The following RSU1 variants were observed in gnomAD, a reference collection of about 807,000 sequenced individuals.
RSU1 encodes the protein rsu-1.
In RSU1, 26 loss-of-function variants were observed where a neutral mutation model predicts 31.1. The ratio of observed to expected loss-of-function variants is 0.84; its 90% CI spans 0.61 to 1.16. The LOEUF (loss-of-function observed/expected upper bound fraction) is 1.16. RSU1 is among the 50% of genes most tolerant of loss of function. The pLI, the probability that RSU1 is intolerant of heterozygous loss-of-function variation, is 0.00. For missense variants in RSU1, 320 were observed against 339.1 expected (o/e 0.94, Z 0.44); for synonymous variants, 164 against 136.3 (o/e 1.20, Z -1.41).
chr10:16,743,879 C>G (rs1247322724), intron 7 of RSU1, among the ~76,000 whole-genome samples: 2 of 151,812 alleles, frequency 1.3e-5, no homozygotes, highest in African/African-American at 4.8e-5. Context: ...TCCTGTAATC[C>G]TAACATTTTG....
At chr10:16,719,236 A>G (rs1836206543) in intron 7 of RSU1, among the ~76,000 whole-genome samples, 1 of 152,092 alleles carries the variant, frequency 6.6e-6, no homozygotes, top group Non-Finnish European at 1.5e-5. Context: ...TCAGCCCAGG[A>G]ATTTGAGGCT....
chr10:16,647,923 T>C (rs1834601927), intron 8 of RSU1, among the ~76,000 whole-genome samples: 2 of 152,120 alleles, frequency 1.3e-5, no homozygotes, highest in South Asian at 4.1e-4. Flanking sequence ...GGAATTGGGA[T>C]GACTGCTAAA....
intron 2 of RSU1, among the ~76,000 whole-genome samples, chr10:16,802,736 T>G (rs1838184820): frequency 6.6e-6 from 1 of 151,978 alleles, no homozygotes; most frequent in African/African-American, 2.4e-5. Flanking sequence ...TGGTTCAAAT[T>G]CAAAAACAAA....
intron 8 of RSU1, among the ~76,000 whole-genome samples, chr10:16,619,740 G>C (rs1030153300): frequency 6.6e-6 from 1 of 152,220 alleles, no homozygotes; most frequent in Non-Finnish European, 1.5e-5. Flanking sequence ...TGGCAGTTAT[G>C]TTAGCTATAT....
intron 7 of RSU1, among the ~76,000 whole-genome samples, chr10:16,729,653 G>A (rs1836467044): frequency 6.6e-6 from 1 of 152,170 alleles, no homozygotes; most frequent in African/African-American, 2.4e-5. Flanking sequence ...ATCACTCTCA[G>A]AAGGCTCTGC....
In RSU1 at chr10:16,614,331, T is replaced by C. The variant is rs929437280; in HGVS notation, c.732-20835A>G. Among the ~76,000 whole-genome samples the C allele has an allele frequency of 3.3e-5, 5 of 151,420 alleles. 1 individual carries two copies. Among genetic ancestry groups the C allele is most frequent in the South Asian group, 4.2e-4 (2 of 4,806 alleles). On this transcript the variant is annotated intron_variant, in intron 8 of 8. Transcript: ENST00000345264. ...ATCAAAGCAATTGAACTCATGGAGA[T>C]AGAGAGGAGAAGGATGGTGACCGGA...
chr10:16,804,961 T>G (rs1838235617), intron 2 of RSU1, among the ~76,000 whole-genome samples: 1 of 152,166 alleles, frequency 6.6e-6, no homozygotes, highest in Non-Finnish European at 1.5e-5. Context: ...CAGTGAACCC[T>G]GATGTTAGCT....
chr10:16,751,827 G>A (rs998359705), intron 7 of RSU1, among the ~76,000 whole-genome samples: 1 of 152,210 alleles, frequency 6.6e-6, no homozygotes, highest in African/African-American at 2.4e-5. Flanking sequence ...TGGAGGGTCT[G>A]CACAAGAAAA....
chr10:16,594,791 T>A (rs10904779), intron 8 of RSU1, among the ~76,000 whole-genome samples: 13,496 of 141,696 alleles, frequency 0.095, 1,505 homozygotes, highest in African/African-American at 0.28. Context: ...ATATATATAT[T>A]TTTTTTTTTT....
intron 4 of RSU1, among the ~76,000 whole-genome samples, chr10:16,762,927 C>A (rs544411370): frequency 1.3e-5 from 2 of 151,626 alleles, no homozygotes; most frequent in African/African-American, 4.9e-5. Flanking sequence ...GGAGGAGAAT[C>A]GCTTGAACCC....
At chr10:16,692,481 G>T (rs922748620) in intron 8 of RSU1, among the ~76,000 whole-genome samples, 3 of 152,060 alleles carry the variant, frequency 2.0e-5, no homozygotes, top group Admixed American at 1.3e-4. Flanking sequence ...ATTCCAGATG[G>T]CTAGGAGTTT....
At chr10:16,597,255 G>A (rs1410051518) in intron 8 of RSU1, among the ~76,000 whole-genome samples, 2 of 152,302 alleles carry the variant, frequency 1.3e-5, no homozygotes, top group Non-Finnish European at 1.5e-5. Flanking sequence ...CCAGGCAAGC[G>A]ATTTCAGAAG....
chr10:16,603,996 C>A (rs1259021559), intron 8 of RSU1, among the ~76,000 whole-genome samples: 1 of 152,110 alleles, frequency 6.6e-6, no homozygotes, highest in Non-Finnish European at 1.5e-5. Flanking sequence ...AAATAGTAAT[C>A]ATCTAATGGA....
intron 7 of RSU1, among the ~76,000 whole-genome samples, chr10:16,752,050 C>T (rs1836990462): frequency 6.6e-6 from 1 of 152,144 alleles, no homozygotes; most frequent in Non-Finnish European, 1.5e-5. Flanking sequence ...AGGAGAGAGG[C>T]AAATTCACGA....
intron 2 of RSU1, among the ~76,000 whole-genome samples, chr10:16,808,561 C>T (rs1264319627): frequency 1.3e-5 from 2 of 151,336 alleles, no homozygotes; most frequent in Non-Finnish European, 2.9e-5. Flanking sequence ...CTTTATAGAA[C>T]CTCCATAGCT....
chr10:16,761,238 C>G (rs78241589), intron 4 of RSU1, among the ~76,000 whole-genome samples: 2 of 152,194 alleles, frequency 1.3e-5, no homozygotes, highest in Admixed American at 1.3e-4. Context: ...CCACCACGCC[C>G]GAGAGGAGCT....
chr10:16,788,374 G>A (rs1316110397), intron 2 of RSU1, among the ~76,000 whole-genome samples: 1 of 152,182 alleles, frequency 6.6e-6, no homozygotes, highest in African/African-American at 2.4e-5. Flanking sequence ...GGTATTGGGA[G>A]GCGGGGCCTT....
intron 2 of RSU1, among the ~76,000 whole-genome samples, chr10:16,798,924 G>C (rs1442346523): frequency 6.6e-6 from 1 of 152,120 alleles, no homozygotes; most frequent in Admixed American, 6.5e-5. Context: ...CATGTAAAAA[G>C]AACACAAATT....
At chr10:16,700,500 C>G (rs994853352) in intron 7 of RSU1, among the ~76,000 whole-genome samples, 2 of 152,190 alleles carry the variant, frequency 1.3e-5, no homozygotes, top group Non-Finnish European at 1.5e-5. Flanking sequence ...AAGCTAACCA[C>G]AAATGACTCC....
Sources: allele counts gnomAD v4.1 joint callset (sites outside exome capture counted in the v4.1 genomes callset), GRCh38; gene constraint gnomAD v4.1.1; transcripts MANE v1.5; gene names NCBI Gene and HGNC (gene_info 2026-07-23, HGNC 2026-07-21).